The following TTC39B variants were observed in gnomAD, a reference collection of about 807,000 sequenced individuals.
The protein encoded by TTC39B is tetratricopeptide repeat domain 39B.
In TTC39B, 92 loss-of-function variants were observed where a neutral mutation model predicts 96.6. That is an observed-to-expected ratio of 0.95 (90% CI 0.80 to 1.13). The LOEUF (loss-of-function observed/expected upper bound fraction) is 1.13. TTC39B is among the 50% of genes most tolerant of loss of function. TTC39B has a pLI of 0.00. For missense variants in TTC39B, 955 were observed against 809.3 expected (o/e 1.18, Z -2.18); for synonymous variants, 367 against 299.4 (o/e 1.23, Z -2.33).
At chr9:15,240,447 T>C (rs1433193193) in intron 2 of TTC39B, among the ~76,000 whole-genome samples, 2 of 152,202 alleles carry the variant, frequency 1.3e-5, no homozygotes, top group Admixed American at 1.3e-4. Context: ...CTGTAACCCT[T>C]AGTATTATTT....
intron 2 of TTC39B, among the ~76,000 whole-genome samples, chr9:15,231,977 C>T (rs532473532): frequency 4.6e-5 from 7 of 152,274 alleles, no homozygotes; most frequent in Non-Finnish European, 8.8e-5. Context: ...TCACCAGGAG[C>T]TCCCCCGAGT....
chr9:15,183,433 A>T (rs774284577), intron 16 of TTC39B: 1 of 381,164 alleles, frequency 2.6e-6, no homozygotes, highest in South Asian at 1.9e-5. Context: ...AGACTTTATG[A>T]AAAACAGGCT....
At chr9:15,233,536 T>C (rs1309884541) in intron 2 of TTC39B, among the ~76,000 whole-genome samples, 6 of 150,360 alleles carry the variant, frequency 4.0e-5, no homozygotes, top group African/African-American at 1.2e-4. Flanking sequence ...TCGTATTTTT[T>C]TGGTGGAGAC....
intron 1 of TTC39B, among the ~76,000 whole-genome samples, chr9:15,287,965 AAAAAC>A (rs199622829): frequency 0.1 from 15,339 of 151,056 alleles, 1,142 homozygotes; most frequent in African/African-American, 0.19. Context: ...AAAAAAAAAA[AAAAAC>A]ATAAAAAAAT....
intron 1 of TTC39B, among the ~76,000 whole-genome samples, chr9:15,280,808 G>A (rs905073164): frequency 6.6e-6 from 1 of 152,142 alleles, no homozygotes; most frequent in Non-Finnish European, 1.5e-5. Flanking sequence ...CCAAAAGTAG[G>A]AGGAGTAAAG....
rs76698957 is a variant in TTC39B, at chr9:15,271,709, T to A, written c.241-3761A>T. Among the ~76,000 whole-genome samples the A allele has an allele frequency of 7.4e-3, 1,133 of 152,304 alleles. 21 individuals carry two copies. The highest frequency in any genetic ancestry group is 0.026 in the African/African-American group (1,063 of 41,558). On this transcript the variant is annotated intron_variant, in intron 1 of 19. Coordinates refer to ENST00000512701, the Ensembl canonical transcript of TTC39B. ...CCACGGCTCAGGCATTGGGGACCCC[T>A]GCTTTAAGGTATTACCCAGCTTTAT...
chr9:15,295,767 G>C (rs1587028729), intron 1 of TTC39B, among the ~76,000 whole-genome samples: 1 of 152,314 alleles, frequency 6.6e-6, no homozygotes, highest in Middle Eastern at 3.4e-3. Context: ...TTCAAAGTCA[G>C]AGAGGAAATG....
intron 1 of TTC39B, among the ~76,000 whole-genome samples, chr9:15,283,483 A>G (rs527918586): frequency 6.6e-6 from 1 of 152,286 alleles, no homozygotes; most frequent in South Asian, 2.1e-4. Context: ...TGGTTTATAC[A>G]CAGGCCTATT....
chr9:15,196,013 G>A (rs1021587170), intron 8 of TTC39B, among the ~76,000 whole-genome samples: 1 of 152,168 alleles, frequency 6.6e-6, no homozygotes, highest in Non-Finnish European at 1.5e-5. Flanking sequence ...TACTCTGCCA[G>A]TGCTCTATAA....
At chr9:15,283,074 T>C (rs1281610420) in intron 1 of TTC39B, among the ~76,000 whole-genome samples, 4 of 152,202 alleles carry the variant, frequency 2.6e-5, no homozygotes, top group African/African-American at 9.7e-5. Flanking sequence ...CCATAAGGCA[T>C]ATCTATAAGC....
At chr9:15,300,764 T>A (rs1178230120) in intron 1 of TTC39B, among the ~76,000 whole-genome samples, 1 of 151,962 alleles carries the variant, frequency 6.6e-6, no homozygotes, top group African/African-American at 2.4e-5. Context: ...CAGGCACCTG[T>A]AATCCCAGCT....
At chr9:15,300,393 C>T (rs937203219) in intron 1 of TTC39B, among the ~76,000 whole-genome samples, 6 of 152,192 alleles carry the variant, frequency 3.9e-5, no homozygotes, top group Admixed American at 6.5e-5. Flanking sequence ...TCCTCTTTCA[C>T]GTTCTGAGAA....
At chr9:15,188,053 A>G (rs1419280020) in exon 14 of TTC39B, 7 of 1,612,428 alleles carry the variant, frequency 4.3e-6, no homozygotes, top group Admixed American at 1.7e-5. Context: ...ATTAATCCAC[A>G]TTAGCTCCCA....
chr9:15,217,623 C>T (rs552745641), intron 3 of TTC39B, among the ~76,000 whole-genome samples: 1 of 152,254 alleles, frequency 6.6e-6, no homozygotes, highest in Non-Finnish European at 1.5e-5. Flanking sequence ...TCTTCATTTC[C>T]ACTGCCATCA....
intron 2 of TTC39B, among the ~76,000 whole-genome samples, chr9:15,246,596 G>A (rs566565068): frequency 6.6e-6 from 1 of 152,240 alleles, no homozygotes; most frequent in African/African-American, 2.4e-5. Flanking sequence ...TGTTAGTTTG[G>A]GGTCCAAATC....
At chr9:15,166,999 TATATATATATATATATA>T (rs1817533536) in exon 20 of TTC39B, 15 of 6,452 alleles carry the variant, frequency 2.3e-3, no homozygotes, top group Non-Finnish European at 2.9e-3. Flanking sequence ...TATATATATA[TATATATATATATATATA>T]TATATATATA....
chr9:15,305,007 A>G (rs1824711900), intron 1 of TTC39B, among the ~76,000 whole-genome samples: 1 of 152,218 alleles, frequency 6.6e-6, no homozygotes, highest in Non-Finnish European at 1.5e-5. Context: ...ATTAAAAACT[A>G]TCAATATCAA....
intron 1 of TTC39B, among the ~76,000 whole-genome samples, chr9:15,294,408 C>A (rs996608341): frequency 6.6e-6 from 1 of 152,136 alleles, no homozygotes; most frequent in African/African-American, 2.4e-5. Context: ...ACCTGAAAAC[C>A]CTGTAAGAAC....
intron 1 of TTC39B, among the ~76,000 whole-genome samples, chr9:15,269,725 TGCACCTGTAATCCCA>T (rs1823268565): frequency 6.6e-6 from 1 of 151,060 alleles, no homozygotes; most frequent in Admixed American, 6.6e-5. Flanking sequence ...CGTGGTGACA[TGCACCTGTAATCCCA>T]GCTACTTGGG....
Sources: allele counts gnomAD v4.1 joint callset (sites outside exome capture counted in the v4.1 genomes callset), GRCh38; gene constraint gnomAD v4.1.1; transcripts MANE v1.5; gene names NCBI Gene and HGNC (gene_info 2026-07-23, HGNC 2026-07-21).